The following USP53 variants were observed in gnomAD, a reference collection of about 807,000 sequenced individuals.
USP53 encodes the protein ubiquitin carboxyl-terminal hydrolase 53.
A neutral mutation model predicts 94.9 loss-of-function variants in USP53; 71 were observed. The observed-to-expected ratio is 0.75, with a 90% confidence interval of 0.62 to 0.91. USP53 has a LOEUF of 0.91. USP53 is among the 40% of genes least tolerant of loss of function. USP53 has a pLI of 0.00. For missense variants in USP53, 1,173 were observed against 1,281.0 expected (o/e 0.92, Z 1.29); for synonymous variants, 375 against 422.7 (o/e 0.89, Z 1.39).
chr4:119,286,560 A>G (rs886984802), intron 17 of USP53, among the ~76,000 whole-genome samples: 1 of 152,022 alleles, frequency 6.6e-6, no homozygotes, highest in African/African-American at 2.4e-5. Flanking sequence ...TAAAATTTCA[A>G]ACATGCTCAT....
intron 17 of USP53, among the ~76,000 whole-genome samples, chr4:119,284,854 A>T (rs1236468556): frequency 6.6e-6 from 1 of 151,944 alleles, no homozygotes; most frequent in Non-Finnish European, 1.5e-5. Flanking sequence ...TCTTAGAGCA[A>T]TGTGCTTTTG....
At chr4:119,254,814 T>C (rs906936980) in intron 7 of USP53, among the ~76,000 whole-genome samples, 1 of 152,238 alleles carries the variant, frequency 6.6e-6, no homozygotes, top group African/African-American at 2.4e-5. Context: ...CTGGTTTTTG[T>C]AATTTTCAGC....
At chr4:119,274,175 G>T (rs910164220) in intron 17 of USP53, among the ~76,000 whole-genome samples, 1 of 150,818 alleles carries the variant, frequency 6.6e-6, no homozygotes, top group Admixed American at 6.6e-5. Context: ...GTATACATGT[G>T]CCATGCTGGT....
chr4:119,288,929 ACT>A (rs1340171250), intron 17 of USP53, among the ~76,000 whole-genome samples: 1 of 128,934 alleles, frequency 7.8e-6, no homozygotes, highest in African/African-American at 3.0e-5. Context: ...CAAGAGCGAA[ACT>A]CTGTCTCAAA....
rs34908733 is a variant in USP53 at position 119,271,366 on chromosome 4, TG to T, written c.1509del (p.Asn504IlefsTer28). On this transcript the variant is annotated frameshift_variant, in exon 16 of 19. Coordinates refer to ENST00000692078, the MANE Select transcript of USP53 (RefSeq NM_001371395.1). LOFTEE classifies it high-confidence loss of function. Reference sequence around the variant, plus strand: ...CTGCCCCAAATGGTTTTAAACAACATGGGAATCCACATCTATATCATAGTCA... The same window carrying T: ...CTGCCCCAAATGGTTTTAAACAACATGGAATCCACATCTATATCATAGTCA... ...PPAPNGFKQH[G>X]NPHLYHSQGK... The T allele has an allele frequency of 6.2e-7, 1 of 1,611,218 alleles. No homozygotes were observed. Among genetic ancestry groups the T allele is most frequent in the Non-Finnish European group, 8.5e-7 (1 of 1,179,358 alleles).
At chr4:119,217,281 T>C (rs184880602) in intron 2 of USP53, among the ~76,000 whole-genome samples, 4 of 152,222 alleles carry the variant, frequency 2.6e-5, no homozygotes, top group East Asian at 1.9e-4. Flanking sequence ...TCCCCATACT[T>C]AGGTGAGCAG....
chr4:119,262,050 A>T (rs1349262358), intron 12 of USP53, among the ~76,000 whole-genome samples, 186 bp downstream of exon 12: 5 of 152,150 alleles, frequency 3.3e-5, no homozygotes, highest in Non-Finnish European at 7.4e-5. Flanking sequence ...GCTTATTTTG[A>T]AGCCAGCTTT....
At chr4:119,265,116 C>G (rs1478267720) in intron 12 of USP53, among the ~76,000 whole-genome samples, 1 of 152,102 alleles carries the variant, frequency 6.6e-6, no homozygotes, top group African/African-American at 2.4e-5. Flanking sequence ...GTAGATCACT[C>G]ATTTCCAGGG....
In USP53 at chr4:119,273,684, C is replaced by A. The variant is rs202084651; in HGVS notation, c.2227C>A (p.Leu743Ile). 4.9e-3 allele frequency: 7,868 copies of A among 1,611,934 alleles called. 30 individuals carry two copies. Among genetic ancestry groups the A allele is most frequent in the Non-Finnish European group, 6.2e-3 (7,275 of 1,178,758 alleles). ...TAAAGAACGTGGGGACTGTACCTCC[C>A]TTCAGAGCCAACATCACTTAGAAGG... ...LNKERGDCTS[L>I]QSQHHLEGFR... Residue 743 changes from leucine (L) to isoleucine (I), a missense_variant, in exon 17 of 19, where the codon CTT (leucine) becomes ATT (isoleucine). By Grantham distance (5) the Leu-to-Ile change is conservative. Transcript: ENST00000692078.
chr4:119,256,128 A>G (rs1413475700), intron 7 of USP53, 118 bp from the exon 8 acceptor site: 8 of 678,912 alleles, frequency 1.2e-5, no homozygotes, highest in Non-Finnish European at 1.9e-5. Flanking sequence ...CTGAAAAGCT[A>G]ACAATATGTA....
intron 17 of USP53, among the ~76,000 whole-genome samples, chr4:119,290,252 C>T (rs1754596459): frequency 6.6e-6 from 1 of 152,078 alleles, no homozygotes; most frequent in African/African-American, 2.4e-5. Flanking sequence ...ATGTAGCAGG[C>T]TTGGAAGACA....
rs1194437639 is a variant in USP53 at position 119,292,957 on chromosome 4, G to A, written c.2968G>A (p.Glu990Lys). 6.2e-7 allele frequency: 1 copy of A among 1,614,016 alleles called. No individual in the cohort carries two copies. Among genetic ancestry groups the A allele is most frequent in the Non-Finnish European group, 8.5e-7 (1 of 1,179,988 alleles). ...ERHKETFQVR[E>K]CFGNTPNCPS... Reference sequence around the variant, plus strand: ...ACATAAAGAAACATTTCAAGTGAGAGAATGTTTTGGCAACACACCAAACTG... The same window carrying A: ...ACATAAAGAAACATTTCAAGTGAGAAAATGTTTTGGCAACACACCAAACTG... The change falls in exon 19 of 19, where the codon GAA becomes AAA. Residue 990 changes from glutamate (E) to lysine (K), a missense_variant. Glu to Lys is a moderately conservative substitution (Grantham distance 56). Transcript: ENST00000692078.
chr4:119,259,065 G>A (rs1431746609), intron 9 of USP53, among the ~76,000 whole-genome samples: 1 of 152,076 alleles, frequency 6.6e-6, no homozygotes, highest in African/African-American at 2.4e-5. Flanking sequence ...TGGATCACTT[G>A]AGGTCAGGAG....
intron 17 of USP53, among the ~76,000 whole-genome samples, chr4:119,285,446 T>A (rs756498196): frequency 6.6e-6 from 1 of 151,908 alleles, no homozygotes; most frequent in Non-Finnish European, 1.5e-5. Flanking sequence ...TTAATCTCAG[T>A]TGATCCTAGA....
intron 9 of USP53, among the ~76,000 whole-genome samples, chr4:119,257,039 C>G (rs564012939): frequency 6.6e-6 from 1 of 152,190 alleles, no homozygotes; most frequent in Non-Finnish European, 1.5e-5. Flanking sequence ...CCCACTCACT[C>G]TCTCCCTTTC....
In USP53 at chr4:119,251,187, G is replaced by GA. The variant is rs1748953924; in HGVS notation, c.372+2307dup. Among the ~76,000 whole-genome samples, 4 of 152,016 alleles carry GA rather than the reference G, an allele frequency of 2.6e-5. No individual in the cohort carries two copies. The South Asian group carries it at 8.3e-4, about 31-fold the overall frequency. On this transcript the variant is annotated intron_variant, in intron 7 of 18. Transcript: ENST00000692078. ...TTCTGATCTTGTGACAGTTTGCTGA[G>GA]AATGATGGTTTCCAGCTTCATCCAT... is the stretch of plus-strand genomic sequence containing the variant.
At chr4:119,236,899 C>T (rs1053429166) in intron 4 of USP53, among the ~76,000 whole-genome samples, 19 of 152,134 alleles carry the variant, frequency 1.2e-4, no homozygotes, top group Admixed American at 1.2e-3. Flanking sequence ...ATGGTGAATC[C>T]TTTTCAGAAG....
At chr4:119,247,542 A>C (rs78306949) in intron 6 of USP53, among the ~76,000 whole-genome samples, 1 of 151,694 alleles carries the variant, frequency 6.6e-6, no homozygotes, top group Non-Finnish European at 1.5e-5. Flanking sequence ...TCTTGTATCT[A>C]TTTTTCTCTA....
intron 15 of USP53, among the ~76,000 whole-genome samples, chr4:119,270,653 A>T (rs754744929): frequency 1.3e-5 from 2 of 152,208 alleles, no homozygotes; most frequent in Non-Finnish European, 2.9e-5. Flanking sequence ...CCACATTATA[A>T]GCATGTCTCT....
Sources: allele counts gnomAD v4.1 joint callset (sites outside exome capture counted in the v4.1 genomes callset), GRCh38; gene constraint gnomAD v4.1.1; transcripts MANE v1.5; gene names NCBI Gene and HGNC (gene_info 2026-07-23, HGNC 2026-07-21).